The following SLC25A21 variants were observed in gnomAD, a reference collection of about 807,000 sequenced individuals.
SLC25A21 encodes solute carrier family 25 member 21, also known as mitochondrial 2-oxodicarboxylate carrier.
SLC25A21 carries 47 observed loss-of-function variants against 43.8 expected under a neutral mutation model. The observed-to-expected ratio is 1.07, with a 90% confidence interval of 0.85 to 1.37. The LOEUF (loss-of-function observed/expected upper bound fraction) is 1.37. SLC25A21 is among the 40% of genes most tolerant of loss of function. The pLI is 0.00. For missense variants in SLC25A21, 352 were observed against 350.2 expected (o/e 1.00, Z -0.04); for synonymous variants, 131 against 121.3 (o/e 1.08, Z -0.52).
At position 36,745,740 on chromosome 14, in the gene SLC25A21, A is replaced by G. The variant is rs368228925; in HGVS notation, c.204-11167T>C. Among the ~76,000 whole-genome samples, 33 of 152,226 alleles carry G rather than the reference A, an allele frequency of 2.2e-4. No homozygotes were observed. In the South Asian group the frequency reaches 6.6e-3, roughly 31 times the overall value. ...TTTAAGTTCTTTGTAGATTCTGGAT[A>G]TTAGCCCTTTGTCAGATGGATAGAT... On this transcript the variant is annotated intron_variant, in intron 3 of 9. Coordinates refer to ENST00000331299, the MANE Select transcript of SLC25A21 (RefSeq NM_030631.4).
At chr14:36,797,745 A>G (rs902089870) in intron 3 of SLC25A21, among the ~76,000 whole-genome samples, 2 of 152,196 alleles carry the variant, frequency 1.3e-5, no homozygotes, top group Non-Finnish European at 2.9e-5. Flanking sequence ...AGAAATCAAC[A>G]CAAAAAGTTT....
intron 3 of SLC25A21, among the ~76,000 whole-genome samples, chr14:36,761,920 A>T (rs1009105724): frequency 6.6e-6 from 1 of 152,172 alleles, no homozygotes; most frequent in African/African-American, 2.4e-5. Context: ...CTGCTGCCAG[A>T]TTTCTGCTTA....
At chr14:36,793,851 C>T (rs1195488807) in intron 3 of SLC25A21, among the ~76,000 whole-genome samples, 5 of 142,614 alleles carry the variant, frequency 3.5e-5, no homozygotes, top group Non-Finnish European at 7.5e-5. Context: ...TCTTTTTATA[C>T]AATGAAACTT....
chr14:36,895,375 T>C (rs1343057865), intron 1 of SLC25A21, among the ~76,000 whole-genome samples: 8 of 152,220 alleles, frequency 5.3e-5, no homozygotes, highest in African/African-American at 1.7e-4. Context: ...TTCTGTGGGA[T>C]CAGTGGTGAT....
intron 1 of SLC25A21, among the ~76,000 whole-genome samples, chr14:36,921,435 T>G (rs1891979058): frequency 6.6e-6 from 1 of 152,138 alleles, no homozygotes; most frequent in Admixed American, 6.5e-5. Context: ...AACTGTACCA[T>G]CTGTAATATC....
intron 1 of SLC25A21, among the ~76,000 whole-genome samples, chr14:37,068,014 A>G (rs1962095538): frequency 6.6e-6 from 1 of 152,254 alleles, no homozygotes; most frequent in East Asian, 1.9e-4. Context: ...GCAAAGCTGG[A>G]TAGTGGTGGC....
intron 3 of SLC25A21, among the ~76,000 whole-genome samples, chr14:36,756,510 C>T (rs1430559437): frequency 6.6e-6 from 1 of 152,222 alleles, no homozygotes; most frequent in African/African-American, 2.4e-5. Context: ...GAGGGTCTCA[C>T]TCCAGCTGTG....
chr14:37,047,681 A>C (rs978440619), intron 1 of SLC25A21, among the ~76,000 whole-genome samples: 34 of 152,238 alleles, frequency 2.2e-4, no homozygotes, highest in Non-Finnish European at 4.6e-4. Flanking sequence ...GTTCACATTG[A>C]TTAAAAACCA....
intron 1 of SLC25A21, among the ~76,000 whole-genome samples, chr14:37,047,886 A>G (rs1194561635): frequency 6.6e-6 from 1 of 152,216 alleles, no homozygotes; most frequent in African/African-American, 2.4e-5. Flanking sequence ...CAACAAGAAC[A>G]TATTAACAGC....
chr14:36,754,791 T>C (rs1410287715), intron 3 of SLC25A21, among the ~76,000 whole-genome samples: 1 of 152,190 alleles, frequency 6.6e-6, no homozygotes, highest in Non-Finnish European at 1.5e-5. Flanking sequence ...ATAGGAAATA[T>C]GTTATTAATT....
chr14:36,732,080 G>C (rs990220126), intron 4 of SLC25A21, among the ~76,000 whole-genome samples: 4 of 152,108 alleles, frequency 2.6e-5, no homozygotes, highest in Admixed American at 2.6e-4. Context: ...TCTCCACCAG[G>C]AGTGGAAGTC....
intron 2 of SLC25A21, chr14:36,828,764 T>TA: frequency 6.6e-6 from 1 of 152,580 alleles, no homozygotes; most frequent in South Asian, 2.1e-4. Context: ...TGCTCCCTCA[T>TA]CACACTGACT....
intron 1 of SLC25A21, among the ~76,000 whole-genome samples, chr14:36,975,993 C>A (rs1457835389): frequency 6.6e-6 from 1 of 152,188 alleles, no homozygotes; most frequent in Non-Finnish European, 1.5e-5. Flanking sequence ...CAATGTAAAC[C>A]AACACCTCAG....
At chr14:36,991,806 A>G (rs1960270060) in intron 1 of SLC25A21, among the ~76,000 whole-genome samples, 1 of 152,074 alleles carries the variant, frequency 6.6e-6, no homozygotes, top group Non-Finnish European at 1.5e-5. Context: ...CTTCCCCTGC[A>G]GGGCTGATAC....
chr14:36,898,386 C>T (rs200316098), intron 1 of SLC25A21, among the ~76,000 whole-genome samples: 20 of 152,260 alleles, frequency 1.3e-4, no homozygotes, highest in African/African-American at 3.1e-4. Context: ...GTTGGAAAAG[C>T]GCAGTATTAG....
intron 1 of SLC25A21, among the ~76,000 whole-genome samples, chr14:37,120,003 A>G (rs1963178236): frequency 1.3e-5 from 2 of 152,182 alleles, no homozygotes; most frequent in Admixed American, 6.5e-5. Context: ...AGATGGAAAC[A>G]TTTCTGTGAA....
intron 1 of SLC25A21, among the ~76,000 whole-genome samples, chr14:36,937,911 G>A (rs1402622931): frequency 2.0e-5 from 3 of 152,138 alleles, no homozygotes; most frequent in African/African-American, 7.2e-5. Context: ...AGGAACAAAA[G>A]TATACAATAA....
chr14:36,872,496 C>T (rs1398514361), intron 2 of SLC25A21, among the ~76,000 whole-genome samples: 1 of 152,166 alleles, frequency 6.6e-6, no homozygotes, highest in African/African-American at 2.4e-5. Flanking sequence ...TACTTGATGT[C>T]ATCTCTCTGT....
At chr14:37,142,439 C>T (rs780426293) in intron 1 of SLC25A21, among the ~76,000 whole-genome samples, 3 of 152,204 alleles carry the variant, frequency 2.0e-5, no homozygotes, top group Non-Finnish European at 2.9e-5. Context: ...CAGCTCACTG[C>T]GGCCTCAGCT....
Sources: gnomAD v4.1 joint callset for allele counts (sites outside exome capture counted in the v4.1 genomes callset) on GRCh38, gnomAD v4.1.1 for gene constraint, MANE v1.5 for transcripts, NCBI Gene and HGNC (gene_info 2026-07-23, HGNC 2026-07-21) for gene names.